The following MYH4 variants were observed in gnomAD, a reference collection of about 807,000 sequenced individuals.
MYH4 encodes myosin heavy chain 4.
Under a neutral mutation model 229.9 loss-of-function variants are expected in MYH4, and 200 were observed. That is an observed-to-expected ratio of 0.87 (90% confidence interval 0.78 to 0.98). MYH4 has a LOEUF of 0.98. MYH4 is among the 50% of genes least tolerant of loss of function. The pLI is 0.00. For synonymous variants in MYH4, 761 were observed against 834.6 expected, an observed-to-expected ratio of 0.91 and a Z score of 1.52; for missense variants, 2,148 against 2,332.6, an observed-to-expected ratio of 0.92 and a Z score of 1.63.
intron 31 of MYH4, 34 bp downstream of exon 31, chr17:10,448,830 G>T: frequency 6.2e-7 from 1 of 1,612,928 alleles, no homozygotes; most frequent in Non-Finnish European, 8.5e-7. Flanking sequence ...AATGATGTCA[G>T]TTTCCCCCAA....
At chr17:10,456,390 C>G in intron 17 of MYH4, 95 bp downstream of exon 17, 1 of 1,004,244 alleles carries the variant, frequency 1.0e-6, no homozygotes, top group Non-Finnish European at 1.5e-6. Context: ...CTACTTTATT[C>G]ACTTTCACCA....
intron 35 of MYH4, among the ~76,000 whole-genome samples, chr17:10,445,652 A>G (rs1411062902): frequency 6.6e-6 from 1 of 152,148 alleles, no homozygotes; most frequent in Non-Finnish European, 1.5e-5. Context: ...ATGGAGCACC[A>G]CACCACAGCT....
intron 22 of MYH4, among the ~76,000 whole-genome samples, chr17:10,454,286 A>C (rs1431107303): frequency 6.6e-6 from 1 of 152,252 alleles, no homozygotes; most frequent in South Asian, 2.1e-4. Flanking sequence ...CTAAAGAAAG[A>C]ATAATCTGAT....
At chr17:10,444,247 A>G (rs974540821) in intron 39 of MYH4, among the ~76,000 whole-genome samples, 1 of 152,206 alleles carries the variant, frequency 6.6e-6, no homozygotes, top group Non-Finnish European at 1.5e-5. Context: ...AAAAGTCCCA[A>G]GATGGATTTA....
rs1425409346 is a variant in MYH4 at position 10,464,710 on chromosome 17, T to C, written c.506-2A>G. The C allele has an allele frequency of 1.9e-5, 30 of 1,613,054 alleles. No individual in the cohort carries two copies. The highest frequency in any genetic ancestry group is 2.5e-5 in the Non-Finnish European group (29 of 1,179,296). On this transcript the variant is annotated splice_acceptor_variant, in intron 5 of 39. Transcript: ENST00000255381. LOFTEE classifies it high-confidence loss of function. ...TCAAGATTGACTGGTTTTCACGATC[T>C]GTAAAAGAGAAGCCAAAGATAATAT...
intron 2 of MYH4, among the ~76,000 whole-genome samples, chr17:10,467,082 A>G (rs1399571595): frequency 6.6e-6 from 1 of 152,258 alleles, no homozygotes; most frequent in African/African-American, 2.4e-5. Flanking sequence ...TGCTCCAAGC[A>G]TGTTCAGAAT....
At chr17:10,447,314 T>A in intron 34 of MYH4, 98 bp from the exon 35 acceptor site, 1 of 1,065,236 alleles carries the variant, frequency 9.4e-7, no homozygotes, top group Non-Finnish European at 1.4e-6. Context: ...ACTTAGAGTA[T>A]GATTAGATAG....
At chr17:10,453,621 T>A (rs200825146) in intron 23 of MYH4, 22 bp downstream of exon 23, 15 of 1,612,958 alleles carry the variant, frequency 9.3e-6, no homozygotes, top group Non-Finnish European at 1.3e-5. Flanking sequence ...ATAAATATTC[T>A]AAAATGGATC....
At position 10,463,399 on chromosome 17, in the gene MYH4, A is replaced by G. The variant is rs764804031; in HGVS notation, c.744T>C (p.Gly248=). 4.8e-5 allele frequency: 77 copies of G among 1,612,046 alleles called. No homozygotes were observed. In the South Asian group the frequency reaches 8.4e-4, roughly 18 times the overall value. Residue 248 remains glycine (G), a splice_region_variant and synonymous_variant, in exon 9 of 40, where the codon GGT becomes GGC. Transcript: ENST00000255381. The part of the protein sequence containing the change: ...TVRNDNSSRF[G]KFIRIHFGAT... ...CACCAAAATGGATCCTGATGAATTT[A>G]CCCTTAAAAAAGAAAAGGAGGGATT...
In MYH4 at chr17:10,465,623, G is replaced by C. The variant is rs781517146; in HGVS notation, c.349-25C>G. 9.9e-6 allele frequency: 16 copies of C among 1,613,932 alleles called. No individual in the cohort carries two copies. In the Middle Eastern group the frequency reaches 4.9e-4, roughly 50 times the overall value. Reference sequence around the variant, plus strand: ...TCTGTGGGAAAGGACGGGGTTCCTCGATCAGCAATCACCTTGTTTATCTAT... The same window carrying C: ...TCTGTGGGAAAGGACGGGGTTCCTCCATCAGCAATCACCTTGTTTATCTAT... On this transcript the variant is annotated intron_variant, in intron 4 of 39. Transcript: ENST00000255381.
intron 25 of MYH4, 114 bp from the exon 26 acceptor site, chr17:10,452,620 T>C: frequency 8.1e-7 from 1 of 1,230,128 alleles, no homozygotes; most frequent in South Asian, 1.4e-5. Context: ...AGTAGTACAA[T>C]GTTTTACAGA....
chr17:10,443,654 C>T lies in MYH4; in HGVS notation c.5668-127G>A, dbSNP rs959488808. 3 of 988,654 alleles carry T rather than the reference C, an allele frequency of 3.0e-6. No individual in the cohort carries two copies. The highest frequency in any genetic ancestry group is 3.4e-5 in the South Asian group (2 of 58,578). The allele number at this position is 988,654 out of a possible 1,614,324, so 61.2% of individuals were successfully genotyped here. ...AGGCTCCGTTGTCCAGGCATGGTGG[C>T]TCACACCTGTAATCCCAGCACTCTG... On this transcript the variant is annotated intron_variant, in intron 39 of 39. Transcript: ENST00000255381. The surrounding 1 kb of genome is among the most constrained non-coding windows in gnomAD (Gnocchi z 4.6).
intron 22 of MYH4, 97 bp from the exon 23 acceptor site, chr17:10,453,982 G>A (rs1309134460): frequency 1.3e-5 from 20 of 1,494,452 alleles, no homozygotes; most frequent in Non-Finnish European, 1.8e-5. Context: ...CTACCTGTTT[G>A]GTCAACATGT....
chr17:10,457,558 C>T lies in MYH4; in HGVS notation c.1759G>A (p.Gly587Ser), dbSNP rs745672744. ...CCGGCGATGTTGTAGTCCACGGTGCCGGCATAGTGCACCAGTGAGAAGTGA... is the reference window on the plus strand; with the variant it reads ...CCGGCGATGTTGTAGTCCACGGTGCTGGCATAGTGCACCAGTGAGAAGTGA... Reference protein sequence around the residue: ...EAHFSLVHYAGTVDYNIAGWL... With the variant: ...EAHFSLVHYASTVDYNIAGWL... The change falls in exon 16 of 40, where the codon GGC becomes AGC. Residue 587 changes from glycine to serine, a missense_variant. Transcript: ENST00000255381. 36 of 1,614,124 alleles carry T rather than the reference C, an allele frequency of 2.2e-5. No individual in the cohort carries two copies. The Middle Eastern group carries it at 6.6e-4, about 30-fold the overall frequency.
chr17:10,452,108 C>T lies in MYH4; in HGVS notation c.3571G>A (p.Ala1191Thr). ...DLEESTLQHE[A>T]TAAALRKKHA... ...TTCTTCCGAAGAGCAGCTGCCGTGG[C>T]TTCGTGCTGCAGGGTGGACTCTTCC... The change falls in exon 27 of 40, where the codon GCC becomes ACC. Residue 1191 changes from alanine (A) to threonine (T), a missense_variant. Coordinates refer to ENST00000255381, the MANE Select transcript of MYH4 (RefSeq NM_017533.2). The T allele has an allele frequency of 6.2e-7, 1 of 1,614,058 alleles. No homozygotes were observed. Among genetic ancestry groups the T allele is most frequent in the African/African-American group, 1.3e-5 (1 of 75,046 alleles).
intron 23 of MYH4, 112 bp from the exon 24 acceptor site, chr17:10,453,440 C>T (rs957874200): frequency 1.2e-5 from 19 of 1,580,554 alleles, no homozygotes; most frequent in Middle Eastern, 1.8e-4. Context: ...AAATGAGAAC[C>T]AGGAGCTAAC....
At chr17:10,444,536 TA>T in intron 39 of MYH4, 67 bp downstream of exon 39, 1 of 1,218,878 alleles carries the variant, frequency 8.2e-7, no homozygotes, top group Non-Finnish European at 1.2e-6. Flanking sequence ...CTAAATTCTA[TA>T]AACTTTAGGC....
At position 10,448,168 on chromosome 17, in the gene MYH4, T is replaced by G. The variant is rs150143832; in HGVS notation, c.4657-42A>C. 8.3e-4 allele frequency: 1,275 copies of G among 1,530,816 alleles called. 14 individuals are homozygous for G. The African/African-American group carries it at 0.016, about 19-fold the overall frequency. The allele number at this position is 1,530,816 out of a possible 1,614,324, so 94.8% of individuals were successfully genotyped here. On this transcript the variant is annotated intron_variant, in intron 33 of 39. Coordinates refer to ENST00000255381, the MANE Select transcript of MYH4 (RefSeq NM_017533.2). ...TTTATTTAGGTTACCTAAAGAGCTT[T>G]TTATTTCTTTCACATTATGATAATT...
chr17:10,455,787 C>T (rs201888820), intron 18 of MYH4, 27 bp downstream of exon 18: 14 of 1,614,034 alleles, frequency 8.7e-6, no homozygotes, highest in Non-Finnish European at 1.0e-5. Flanking sequence ...CACACTGGAG[C>T]TTGTCTGGAT....
Sources: gnomAD v4.1 joint callset for allele counts (sites outside exome capture counted in the v4.1 genomes callset) on GRCh38, gnomAD v4.1.1 for gene constraint, Gnocchi (gnomAD v3.1) non-coding constraint, MANE v1.5 for transcripts, NCBI Gene and HGNC (gene_info 2026-07-23, HGNC 2026-07-21) for gene names.